The following USH2A variants were observed in gnomAD, a reference collection of about 807,000 sequenced individuals.
The protein encoded by USH2A is Usher syndrome 2A (autosomal recessive, mild).
In USH2A, 443 loss-of-function variants were observed where a neutral mutation model predicts 538.9. The observed-to-expected ratio is 0.82, with a 90% CI of 0.76 to 0.89. The LOEUF is 0.89. USH2A is among the 40% of genes least tolerant of loss of function. USH2A has a pLI of 0.00. For synonymous variants in USH2A, 2,413 were observed against 2,273.5 expected (o/e 1.06, Z -1.75); for missense variants, 6,633 against 6,324.8 (o/e 1.05, Z -1.65).
At chr1:215,821,901 T>A (rs768968784) in intron 47 of USH2A, among the ~76,000 whole-genome samples, 2 of 151,982 alleles carry the variant, frequency 1.3e-5, no homozygotes, top group Non-Finnish European at 2.9e-5. Flanking sequence ...TTGCAAGTTC[T>A]TGGTTCCTTT....
At chr1:215,951,540 A>G (rs150436868) in intron 37 of USH2A, among the ~76,000 whole-genome samples, 4,870 of 152,124 alleles carry the variant, frequency 0.032, 123 homozygotes, top group South Asian at 0.083. Context: ...GTTGATTTGG[A>G]GTGGAGAGTT....
In USH2A at chr1:216,282,479, C is replaced by T. The variant is rs115394784; in HGVS notation, c.1971+6801G>A. 5.1e-3 allele frequency among the ~76,000 whole-genome samples: 769 copies of T among 152,266 alleles called. 7 individuals are homozygous for T. The highest frequency in any genetic ancestry group is 0.018 in the African/African-American group (745 of 41,540). Reference sequence around the variant, plus strand: ...ATTGTCCCAGGACCATTTGTTAAAACGACTACACTTTCTCCACTGAACTGT... The same window carrying T: ...ATTGTCCCAGGACCATTTGTTAAAATGACTACACTTTCTCCACTGAACTGT... On this transcript the variant is annotated intron_variant, in intron 11 of 71. Coordinates refer to ENST00000307340, the MANE Select transcript of USH2A (RefSeq NM_206933.4).
intron 55 of USH2A, among the ~76,000 whole-genome samples, chr1:215,777,432 G>C (rs763434434): frequency 1.4e-4 from 21 of 152,228 alleles, no homozygotes; most frequent in Non-Finnish European, 2.5e-4. Flanking sequence ...CGAAGCTGAT[G>C]CTGGTTAAGT....
At chr1:215,871,951 C>A (rs1386691414) in intron 43 of USH2A, among the ~76,000 whole-genome samples, 1 of 152,186 alleles carries the variant, frequency 6.6e-6, no homozygotes, top group Admixed American at 6.5e-5. Flanking sequence ...TTCAGGGCAG[C>A]TGCAGAATGC....
At position 216,011,351 on chromosome 1, in the gene USH2A, G is replaced by A. The variant is rs570513504; in HGVS notation, c.6326-10789C>T. 2.0e-5 allele frequency among the ~76,000 whole-genome samples: 3 copies of A among 152,128 alleles called. No homozygotes were observed. In the East Asian group the frequency reaches 5.8e-4, roughly 30 times the overall value. Reference sequence around the variant, plus strand: ...CCATTAGGCTCAGCAAATTACCTGGGCTGTACTTCAAAGCTTCACAGATAG... The same window carrying A: ...CCATTAGGCTCAGCAAATTACCTGGACTGTACTTCAAAGCTTCACAGATAG... On this transcript the variant is annotated intron_variant, in intron 32 of 71. Transcript: ENST00000307340.
At chr1:216,149,216 T>G (rs1029420723) in intron 21 of USH2A, among the ~76,000 whole-genome samples, 1 of 152,188 alleles carries the variant, frequency 6.6e-6, no homozygotes, top group Non-Finnish European at 1.5e-5. Flanking sequence ...GCTTTAATAC[T>G]GTTAGAGGCC....
intron 32 of USH2A, among the ~76,000 whole-genome samples, chr1:216,001,695 T>C (rs978952116): frequency 6.6e-6 from 1 of 152,114 alleles, no homozygotes; most frequent in Non-Finnish European, 1.5e-5. Context: ...CAATTTCATA[T>C]TGAAGAGATT....
At chr1:216,287,470 T>C (rs1420312270) in intron 11 of USH2A, among the ~76,000 whole-genome samples, 2 of 152,212 alleles carry the variant, frequency 1.3e-5, no homozygotes, top group Non-Finnish European at 2.9e-5. Context: ...ATTAAGTACA[T>C]TTCTTCTGAA....
At chr1:216,163,322 A>G (rs1243845827) in intron 21 of USH2A, among the ~76,000 whole-genome samples, 1 of 151,810 alleles carries the variant, frequency 6.6e-6, no homozygotes, top group Non-Finnish European at 1.5e-5. Flanking sequence ...ATTTTCATTG[A>G]TTTTATTGAT....
At chr1:216,410,482 C>T (rs990702202) in intron 3 of USH2A, among the ~76,000 whole-genome samples, 5 of 151,892 alleles carry the variant, frequency 3.3e-5, no homozygotes, top group Non-Finnish European at 5.9e-5. Flanking sequence ...CTGATATTTT[C>T]TTTTGTTACA....
intron 3 of USH2A, among the ~76,000 whole-genome samples, chr1:216,408,877 C>T (rs2039437119): frequency 6.6e-6 from 1 of 152,172 alleles, no homozygotes; most frequent in African/African-American, 2.4e-5. Flanking sequence ...AGGGATGCTT[C>T]ACCTCCCAGG....
chr1:216,419,551 G>A (rs759185639), intron 2 of USH2A, among the ~76,000 whole-genome samples: 1 of 151,922 alleles, frequency 6.6e-6, no homozygotes, highest in African/African-American at 2.4e-5. Flanking sequence ...TCCTGCTCAG[G>A]GTCGGTTGAG....
In USH2A at chr1:215,773,538, TTCTC is replaced by T. The variant is rs1332501473; in HGVS notation, c.10939+6301_10939+6304del. Among the ~76,000 whole-genome samples, 4 of 142,668 alleles carry T rather than the reference TTCTC, an allele frequency of 2.8e-5. No homozygotes were observed. The East Asian group carries it at 8.5e-4, about 30-fold the overall frequency. The allele number at this position is 142,668 out of a possible 152,430, so 93.6% of individuals were successfully genotyped here. ...TCTCTCTCTCTCTCTCTCTCTGTCTTTCTCTCTCTCTCTCACAAGGAGCTGCTCT... is the reference window on the plus strand; with the variant it reads ...TCTCTCTCTCTCTCTCTCTCTGTCTTTCTCTCTCTCACAAGGAGCTGCTCT... On this transcript the variant is annotated intron_variant, in intron 55 of 71. Coordinates refer to ENST00000307340, the MANE Select transcript of USH2A (RefSeq NM_206933.4).
intron 58 of USH2A, among the ~76,000 whole-genome samples, chr1:215,757,780 T>G (rs1034866713): frequency 6.6e-6 from 1 of 152,174 alleles, no homozygotes; most frequent in Admixed American, 6.5e-5. Flanking sequence ...AATGGCTCAA[T>G]GAAGGCTATT....
chr1:216,152,439 C>T (rs1387040540), intron 21 of USH2A, among the ~76,000 whole-genome samples: 4 of 148,872 alleles, frequency 2.7e-5, no homozygotes, highest in Admixed American at 2.0e-4. Context: ...AAATCACCCC[C>T]ACTGAGCACC....
Position 215,758,654 on chromosome 1 carries a change from G to A in USH2A, c.11330C>T (p.Pro3777Leu). The A allele has an allele frequency of 6.2e-7, 1 of 1,613,640 alleles. No individual in the cohort carries two copies. Among genetic ancestry groups the A allele is most frequent in the African/African-American group, 1.3e-5 (1 of 74,964 alleles). The change falls in exon 58 of 72, where the codon CCT (proline) becomes CTT (leucine). Residue 3777 changes from proline (P) to leucine (L), a missense_variant. Pro to Leu is a moderately conservative substitution (Grantham distance 98). Transcript: ENST00000307340. ...TPMSTPEEIY[P>L]PYNITVIGPY... is the part of the protein sequence containing the mutation. ...CCCAATTACTGTGATATTATATGGA[G>A]GATAGATTTCTTCTGGTGTTGACAT... is the stretch of plus-strand genomic sequence containing the variant.
chr1:216,152,416 C>T (rs1004410674), intron 21 of USH2A, among the ~76,000 whole-genome samples: 1 of 123,224 alleles, frequency 8.1e-6, no homozygotes, highest in African/African-American at 2.9e-5. Context: ...TTTCCTGGCT[C>T]ATCCTGGCTC....
At chr1:216,359,695 A>G (rs1324195175) in intron 4 of USH2A, among the ~76,000 whole-genome samples, 2 of 152,122 alleles carry the variant, frequency 1.3e-5, no homozygotes, top group Non-Finnish European at 2.9e-5. Context: ...TACATTTATT[A>G]CAAACATTCA....
chr1:216,146,647 ATCCCT>A (rs2033711669), intron 21 of USH2A, among the ~76,000 whole-genome samples: 1 of 151,824 alleles, frequency 6.6e-6, no homozygotes, highest in South Asian at 2.1e-4. Context: ...CTGTGCCCCA[ATCCCT>A]TATTTCCGCA....
Sources: allele counts gnomAD v4.1 joint callset (sites outside exome capture counted in the v4.1 genomes callset), GRCh38; gene constraint gnomAD v4.1.1; transcripts MANE v1.5; gene names NCBI Gene and HGNC (gene_info 2026-07-23, HGNC 2026-07-21).